Variants in CDCP2 observed in about 807,000 individuals in gnomAD.
The protein encoded by CDCP2 is CUB domain-containing protein 2.
Under a neutral mutation model 31.0 loss-of-function variants are expected in CDCP2, and 31 were observed. The ratio of observed to expected loss-of-function variants is 1.00; its 90% CI spans 0.75 to 1.35. The LOEUF (loss-of-function observed/expected upper bound fraction) is 1.35. CDCP2 is among the 40% of genes most tolerant of loss of function. The pLI is 0.00. For missense variants in CDCP2, 443 were observed against 482.6 expected, an observed-to-expected ratio of 0.92 and a Z score of 0.77; for synonymous variants, 206 against 207.9, an observed-to-expected ratio of 0.99 and a Z score of 0.08.
chr1:54,147,656 C>T (rs559578817), intron 1 of CDCP2, among the ~76,000 whole-genome samples: 19 of 151,872 alleles, frequency 1.3e-4, no homozygotes, highest in South Asian at 2.1e-4. Flanking sequence ...CGTGAGCCAC[C>T]GTGCCCGGCC....
chr1:54,138,450 A>T (rs1354494059), intron 4 of CDCP2: 1 of 152,244 alleles, frequency 6.6e-6, no homozygotes, highest in African/African-American at 2.4e-5. Context: ...CTTGCTGCAG[A>T]TCACCATCTC....
downstream of CDCP2, chr1:54,132,947 C>G (rs568529925): frequency 7.5e-6 from 3 of 398,762 alleles, no homozygotes; most frequent in South Asian, 3.8e-4. Flanking sequence ...ATGTCAGATG[C>G]CAGGTCCCTA....
intron 4 of CDCP2, 29 bp from the exon 5 acceptor site, chr1:54,136,837 C>T (rs1273692398): frequency 7.5e-6 from 3 of 399,112 alleles, no homozygotes; most frequent in Non-Finnish European, 8.8e-6. Context: ...AGCTGGAAGC[C>T]TTAGGGTCAG....
At chr1:54,139,268 C>G (rs991762250) in intron 4 of CDCP2, 3 of 496,750 alleles carry the variant, frequency 6.0e-6, no homozygotes, top group African/African-American at 2.0e-5. Flanking sequence ...GCCCCTGGAC[C>G]AATACAGCAG....
chr1:54,144,872 A>G, intron 1 of CDCP2, 59 bp from the exon 2 acceptor site: 3 of 1,361,296 alleles, frequency 2.2e-6, no homozygotes, highest in South Asian at 1.4e-5. Context: ...TACATGTGGT[A>G]AGGGCAGTGG....
At chr1:54,133,240 C>G in exon 6 of CDCP2, 1 of 399,148 alleles carries the variant, frequency 2.5e-6, no homozygotes, top group Non-Finnish European at 4.4e-6. Context: ...TCCCGCCCCG[C>G]GGCTGAGAAG....
exon 5 of CDCP2, chr1:54,136,739 G>A (rs1028802377): frequency 5.0e-6 from 2 of 399,042 alleles, no homozygotes; most frequent in East Asian, 3.6e-5. Flanking sequence ...CCGCTCCAGC[G>A]GGGCCAGCGC....
intron 5 of CDCP2, among the ~76,000 whole-genome samples, chr1:54,134,798 T>C (rs10888834): frequency 0.8 from 121,302 of 151,658 alleles, 49,412 homozygotes; most frequent in East Asian, 0.98. Context: ...TGTAGTGGCA[T>C]GATCTTGGCT....
Position 54,139,645 on chromosome 1 carries a change from T to TTG in CDCP2, c.1117+107_1117+108insCA, listed in dbSNP as rs76608277. On this transcript the variant is annotated intron_variant, in intron 4 of 5. Coordinates refer to ENST00000530059, the Ensembl canonical transcript of CDCP2. ...AGAAGGAGCTGGAGAAGACCATTCA[T>TTG]GGGGGGGGCAGGACAAACTGGTGGG... 1.6e-4 allele frequency: 253 copies of TTG among 1,534,562 alleles called. 1 individual carries two copies. The East Asian group carries it at 3.8e-3, about 23-fold the overall frequency.
chr1:54,133,664 A>G (rs1659206394), intron 5 of CDCP2, among the ~76,000 whole-genome samples: 1 of 152,202 alleles, frequency 6.6e-6, no homozygotes. Flanking sequence ...TGGGAGGCCA[A>G]GGCGGGCGGA....
At position 54,152,037 on chromosome 1, in the gene CDCP2, G is replaced by T. The variant is rs1011809427; in HGVS notation, c.79+807C>A. 3.3e-5 allele frequency among the ~76,000 whole-genome samples: 5 copies of T among 152,292 alleles called. No individual in the cohort carries two copies. The East Asian group carries it at 7.7e-4, about 24-fold the overall frequency. On this transcript the variant is annotated intron_variant, in intron 1 of 5. Coordinates refer to ENST00000530059, the Ensembl canonical transcript of CDCP2. ...GAGCATGGGATGCCCAAGGGATGCA[G>T]GAAACTGAGGCTCAATACGATATGG...
intron 1 of CDCP2, among the ~76,000 whole-genome samples, chr1:54,147,261 G>GTTTAT (rs1557708921): frequency 2.0e-5 from 3 of 151,738 alleles, no homozygotes. Flanking sequence ...AAACTCATTG[G>GTTTAT]TTTATTTTAG....
chr1:54,140,099 G>A, exon 4 of CDCP2: 1 of 1,613,172 alleles, frequency 6.2e-7, no homozygotes, highest in Non-Finnish European at 8.5e-7. Flanking sequence ...ATACCTCCTG[G>A]CATTCTCCTG....
At chr1:54,151,907 G>C (rs1659590020) in intron 1 of CDCP2, among the ~76,000 whole-genome samples, 1 of 152,174 alleles carries the variant, frequency 6.6e-6, no homozygotes, top group Non-Finnish European at 1.5e-5. Context: ...GGGTGAGCCA[G>C]ATGTTCTCAG....
intron 4 of CDCP2, among the ~76,000 whole-genome samples, chr1:54,137,573 C>T (rs777928494): frequency 3.9e-5 from 6 of 152,126 alleles, no homozygotes; most frequent in South Asian, 2.1e-4. Context: ...TTTCAGAGTT[C>T]GTGGTCTGTT....
At chr1:54,135,288 C>T (rs1659240512) in intron 5 of CDCP2, among the ~76,000 whole-genome samples, 1 of 152,110 alleles carries the variant, frequency 6.6e-6, no homozygotes, top group Non-Finnish European at 1.5e-5. Context: ...GGAGTCAAGT[C>T]TCTAATGTTT....
chr1:54,136,382 G>T (rs537012327), intron 5 of CDCP2, among the ~76,000 whole-genome samples: 2 of 152,154 alleles, frequency 1.3e-5, no homozygotes, highest in Non-Finnish European at 2.9e-5. Flanking sequence ...AAAGAGAGCT[G>T]GGAAGAGAAA....
At position 54,139,990 on chromosome 1, in the gene CDCP2, G is replaced by A. The variant is rs1570061453; in HGVS notation, c.880C>T (p.Gln294Ter). 1 of 1,614,094 alleles carries A rather than the reference G, an allele frequency of 6.2e-7. No homozygotes were observed. Among genetic ancestry groups the A allele is most frequent in the East Asian group, 2.2e-5 (1 of 44,866 alleles). ...AGGTCCAGGAAGAACACCTTGACCTGGTAGCCCGGGGGCAGGCGGATGGTC... is the reference window on the plus strand; with the variant it reads ...AGGTCCAGGAAGAACACCTTGACCTAGTAGCCCGGGGGCAGGCGGATGGTC... Residue 294 changes from glutamine to a stop codon, truncating the protein, a stop_gained, in exon 4 of 6, where the codon CAG becomes TAG. Transcript: ENST00000530059. LOFTEE classifies it high-confidence loss of function.
chr1:54,139,443 G>A, intron 4 of CDCP2: 1 of 1,164,934 alleles, frequency 8.6e-7, no homozygotes, highest in Non-Finnish European at 1.2e-6. Context: ...CTGGATACAG[G>A]GGACCAATAA....
Sources: allele counts gnomAD v4.1 joint callset (sites outside exome capture counted in the v4.1 genomes callset), GRCh38; gene constraint gnomAD v4.1.1; transcripts MANE v1.5; gene names NCBI Gene and HGNC (gene_info 2026-07-23, HGNC 2026-07-21).